The following UBE2R2 variants were observed in gnomAD, a reference collection of about 807,000 sequenced individuals.
The protein encoded by UBE2R2 is ubiquitin conjugating enzyme E2 R2, also known as ubiquitin-conjugating enzyme E2 R2.
Under a neutral mutation model 27.8 loss-of-function variants are expected in UBE2R2, and 1 was observed. The ratio of observed to expected loss-of-function variants is 0.04; its 90% CI spans 0.01 to 0.17. UBE2R2 has a LOEUF of 0.17. Among genes scored for constraint, UBE2R2 ranks in the 10% least tolerant of loss-of-function variants. The pLI is 1.00. For synonymous variants in UBE2R2, 106 were observed against 113.3 expected (o/e 0.94, Z 0.41); for missense variants, 100 against 291.0 (o/e 0.34, Z 4.78).
At chr9:33,850,997 T>C (rs1456856830) in intron 1 of UBE2R2, among the ~76,000 whole-genome samples, 1 of 152,266 alleles carries the variant, frequency 6.6e-6, no homozygotes, top group South Asian at 2.1e-4. Flanking sequence ...TACTTCTCAT[T>C]AATACTTCTT....
intron 1 of UBE2R2, among the ~76,000 whole-genome samples, chr9:33,877,069 G>A (rs1821619527): frequency 6.6e-6 from 1 of 152,002 alleles, no homozygotes; most frequent in African/African-American, 2.4e-5. Flanking sequence ...GCTTGAATTT[G>A]GGAAGTGGAG....
At chr9:33,818,969 A>G (rs1250377420) in intron 1 of UBE2R2, among the ~76,000 whole-genome samples, 1 of 152,144 alleles carries the variant, frequency 6.6e-6, no homozygotes, top group Non-Finnish European at 1.5e-5. Flanking sequence ...ACTCCAAGGT[A>G]GTTAACTTGG....
chr9:33,828,130 C>G (rs1173276692), intron 1 of UBE2R2, among the ~76,000 whole-genome samples: 1 of 151,588 alleles, frequency 6.6e-6, no homozygotes, highest in South Asian at 2.1e-4. Context: ...TGGTGAAACC[C>G]TATCTCTACT....
intron 1 of UBE2R2, among the ~76,000 whole-genome samples, chr9:33,858,409 A>T (rs187757513): frequency 6.6e-6 from 1 of 152,130 alleles, no homozygotes; most frequent in Non-Finnish European, 1.5e-5. Context: ...ATAATAGAGT[A>T]TAGATGTTAA....
intron 1 of UBE2R2, among the ~76,000 whole-genome samples, chr9:33,837,650 C>G (rs2265039): frequency 0.061 from 9,253 of 151,788 alleles, 640 homozygotes; most frequent in African/African-American, 0.17. Flanking sequence ...TTCTTGAACT[C>G]CTGAGCTCAA....
intron 2 of UBE2R2, 42 bp downstream of exon 2, chr9:33,887,009 T>TTTTAAATCAGTAC (rs773947885): frequency 1.6e-5 from 24 of 1,529,688 alleles, no homozygotes; most frequent in Non-Finnish European, 2.0e-5. Context: ...AGATTTTTTT[T>TTTTAAATCAGTAC]TTTAAATCAG....
chr9:33,869,924 G>A (rs1021014762), intron 1 of UBE2R2, among the ~76,000 whole-genome samples: 7 of 151,874 alleles, frequency 4.6e-5, no homozygotes, highest in Admixed American at 3.9e-4. Flanking sequence ...TCGGCTCACC[G>A]AAACATCCGC....
chr9:33,873,534 T>C (rs1821533892), intron 1 of UBE2R2, among the ~76,000 whole-genome samples: 1 of 152,234 alleles, frequency 6.6e-6, no homozygotes, highest in Non-Finnish European at 1.5e-5. Context: ...ATATGTGACC[T>C]AAACATAAGA....
chr9:33,849,256 T>G (rs1332341219), intron 1 of UBE2R2, among the ~76,000 whole-genome samples: 1 of 151,998 alleles, frequency 6.6e-6, no homozygotes, highest in Non-Finnish European at 1.5e-5. Context: ...AAACTTCGTC[T>G]CAAAAAAATA....
intron 1 of UBE2R2, among the ~76,000 whole-genome samples, chr9:33,845,437 A>G (rs929037631): frequency 2.3e-4 from 35 of 151,642 alleles, no homozygotes; most frequent in Non-Finnish European, 4.7e-4. Flanking sequence ...TTTAGTAGAG[A>G]CGGGGTTTCA....
intron 2 of UBE2R2, among the ~76,000 whole-genome samples, chr9:33,898,566 C>T (rs1165341741): frequency 1.3e-5 from 2 of 151,980 alleles, no homozygotes; most frequent in Admixed American, 1.3e-4. Flanking sequence ...GATTTTTGCA[C>T]TTTATATAGT....
At chr9:33,878,319 A>G (rs1044946485) in intron 1 of UBE2R2, among the ~76,000 whole-genome samples, 5 of 152,130 alleles carry the variant, frequency 3.3e-5, no homozygotes, top group Admixed American at 3.3e-4. Flanking sequence ...AGGCAGTTGT[A>G]AGTAAAGGAA....
At chr9:33,828,159 G>A (rs1014467676) in intron 1 of UBE2R2, among the ~76,000 whole-genome samples, 17 of 151,354 alleles carry the variant, frequency 1.1e-4, no homozygotes, top group African/African-American at 4.1e-4. Flanking sequence ...AAAATTAGCT[G>A]GTTGTGGTAG....
At chr9:33,874,914 C>T (rs7872851) in intron 1 of UBE2R2, among the ~76,000 whole-genome samples, 3 of 152,182 alleles carry the variant, frequency 2.0e-5, no homozygotes, top group South Asian at 2.1e-4. Context: ...TTGATCCTCC[C>T]GCCTCAGCCT....
Position 33,917,517 on chromosome 9 carries a change from G to A in UBE2R2, c.*280G>A, listed in dbSNP as rs1490949192. On this transcript the variant is annotated 3_prime_UTR_variant, in exon 5 of 5. Coordinates refer to ENST00000263228, the MANE Select transcript of UBE2R2 (RefSeq NM_017811.4). ...TTAAAAAATATGAACCCAAACTCCC[G>A]CCTCACTTCGTCTCTACAGAATGTT... 5 of 547,964 alleles carry A rather than the reference G, an allele frequency of 9.1e-6. No homozygotes were observed. The highest frequency in any genetic ancestry group is 3.6e-5 in the Admixed American group (1 of 27,890). 33.9% of individuals were successfully genotyped at this position (547,964 alleles called of 1,614,324 possible). A position where few individuals can be genotyped will look rare whatever the true frequency, so the allele number is the denominator to read the frequency against.
chr9:33,840,365 A>G (rs1820704897), intron 1 of UBE2R2, among the ~76,000 whole-genome samples: 4 of 151,982 alleles, frequency 2.6e-5, no homozygotes, highest in African/African-American at 9.7e-5. Context: ...TAGACATTAT[A>G]TTTTATTTAG....
chr9:33,851,804 CCT>C (rs1210455889), intron 1 of UBE2R2, among the ~76,000 whole-genome samples: 1 of 151,998 alleles, frequency 6.6e-6, no homozygotes, highest in Non-Finnish European at 1.5e-5. Flanking sequence ...GGACTCATCT[CCT>C]ATTTCATTAA....
chr9:33,822,476 G>C (rs1825999106), intron 1 of UBE2R2, among the ~76,000 whole-genome samples: 2 of 150,540 alleles, frequency 1.3e-5, no homozygotes, highest in Admixed American at 6.6e-5. Flanking sequence ...GCCCAGGCTG[G>C]AGTGCAGTGG....
intron 1 of UBE2R2, among the ~76,000 whole-genome samples, chr9:33,878,537 G>A (rs1265343452): frequency 6.6e-6 from 1 of 152,150 alleles, no homozygotes; most frequent in Non-Finnish European, 1.5e-5. Flanking sequence ...AGGATCGCTT[G>A]AATCTCGGAG....
Sources: allele counts gnomAD v4.1 joint callset (sites outside exome capture counted in the v4.1 genomes callset), GRCh38; gene constraint gnomAD v4.1.1; transcripts MANE v1.5; gene names NCBI Gene and HGNC (gene_info 2026-07-23, HGNC 2026-07-21).